The following FSTL5 variants were observed in gnomAD, a reference collection of about 807,000 sequenced individuals.
FSTL5 encodes the protein follistatin like 5.
FSTL5 carries 62 observed loss-of-function variants against 89.1 expected under a neutral mutation model. That is an observed-to-expected ratio of 0.70 (90% CI 0.57 to 0.86). The LOEUF is 0.86. Ranked by LOEUF, FSTL5 falls within the 40% of genes least tolerant of loss-of-function variation. The probability of loss-of-function intolerance (pLI) is 0.00; values close to 1 mark genes in which losing one functional copy is unlikely to be tolerated. For missense variants in FSTL5, 1,057 were observed against 1,001.6 expected (o/e 1.06, Z -0.75); for synonymous variants, 383 against 346.2 (o/e 1.11, Z -1.18).
intron 6 of FSTL5, among the ~76,000 whole-genome samples, chr4:161,714,684 G>A (rs1240744963): frequency 6.6e-6 from 1 of 152,068 alleles, no homozygotes; most frequent in Non-Finnish European, 1.5e-5. Flanking sequence ...CTAGAAAGAA[G>A]CAAACAGAAA....
chr4:161,707,887 C>A (rs1011182116), intron 6 of FSTL5, among the ~76,000 whole-genome samples: 12 of 151,584 alleles, frequency 7.9e-5, no homozygotes, highest in African/African-American at 2.9e-4. Flanking sequence ...ACAGACAAAC[C>A]AACCAAAAAA....
intron 4 of FSTL5, among the ~76,000 whole-genome samples, chr4:161,906,948 T>TA (rs1290197307): frequency 6.6e-6 from 1 of 152,130 alleles, no homozygotes; most frequent in Non-Finnish European, 1.5e-5. Context: ...CGGAGGTTGG[T>TA]ATGCATACTT....
rs535041828 is a variant in FSTL5 at position 162,006,341 on chromosome 4, A to G, written c.160+27284T>C. Among the ~76,000 whole-genome samples the G allele has an allele frequency of 7.2e-5, 11 of 152,138 alleles. No individual in the cohort carries two copies. In the South Asian group the frequency reaches 2.3e-3, roughly 31 times the overall value. On this transcript the variant is annotated intron_variant, in intron 3 of 15. Transcript: ENST00000306100. The stretch of plus-strand genomic sequence containing the variant: ...TCACTTGTGGATTCAAGAGAAAATG[A>G]GTAAAACTAGAGCTTTTAAAAATAA...
chr4:161,576,632 A>C (rs1217686713), intron 8 of FSTL5, among the ~76,000 whole-genome samples: 1 of 152,242 alleles, frequency 6.6e-6, no homozygotes, highest in Non-Finnish European at 1.5e-5. Flanking sequence ...AGAAAATAGA[A>C]ACTGGATCCC....
intron 15 of FSTL5, among the ~76,000 whole-genome samples, chr4:161,440,494 G>C (rs909509836): frequency 1.9e-4 from 29 of 152,048 alleles, no homozygotes; most frequent in African/African-American, 5.8e-4. Context: ...GCATTCAAAG[G>C]GTTAGACATG....
chr4:161,808,706 A>T (rs1730048499), intron 4 of FSTL5, among the ~76,000 whole-genome samples: 1 of 152,184 alleles, frequency 6.6e-6, no homozygotes, highest in Admixed American at 6.5e-5. Flanking sequence ...GAGTGAAAAC[A>T]TAATGTACAG....
chr4:161,706,322 A>G (rs1224926756), intron 6 of FSTL5, among the ~76,000 whole-genome samples: 1 of 151,826 alleles, frequency 6.6e-6, no homozygotes, highest in Non-Finnish European at 1.5e-5. Context: ...GGTAGGAAGG[A>G]GGGAAATGTC....
At chr4:161,840,350 T>G (rs1731173066) in intron 4 of FSTL5, among the ~76,000 whole-genome samples, 1 of 152,146 alleles carries the variant, frequency 6.6e-6, no homozygotes, top group African/African-American at 2.4e-5. Flanking sequence ...AACTCAGACT[T>G]GAGAAAAATT....
intron 6 of FSTL5, among the ~76,000 whole-genome samples, chr4:161,711,856 C>G (rs573620904): frequency 6.6e-6 from 1 of 152,100 alleles, no homozygotes; most frequent in South Asian, 2.1e-4. Flanking sequence ...TGTATCATAT[C>G]AATAGAACGA....
At chr4:161,642,313 T>A (rs1260542215) in intron 7 of FSTL5, among the ~76,000 whole-genome samples, 1 of 152,210 alleles carries the variant, frequency 6.6e-6, no homozygotes, top group Non-Finnish European at 1.5e-5. Flanking sequence ...CCAGAACTTA[T>A]CTTGCCTAAG....
chr4:161,553,949 T>A (rs1387060733), intron 8 of FSTL5, among the ~76,000 whole-genome samples: 1 of 151,560 alleles, frequency 6.6e-6, no homozygotes, highest in East Asian at 1.9e-4. Context: ...ATTTAGTTCA[T>A]CTGATGGTTC....
At chr4:161,573,225 C>T (rs1010427314) in intron 8 of FSTL5, among the ~76,000 whole-genome samples, 1 of 151,706 alleles carries the variant, frequency 6.6e-6, no homozygotes, top group Non-Finnish European at 1.5e-5. Flanking sequence ...GCCTGGTGAA[C>T]ATGGCAAAAA....
At chr4:161,822,423 T>A (rs567452938) in intron 4 of FSTL5, among the ~76,000 whole-genome samples, 1 of 152,178 alleles carries the variant, frequency 6.6e-6, no homozygotes, top group Non-Finnish European at 1.5e-5. Context: ...CTGGCCACTG[T>A]GCACAGCCAG....
rs1560948439 is a variant in FSTL5, at chr4:161,977,623, A to AT, written c.160+56001_160+56002insA. Among the ~76,000 whole-genome samples, 341 of 74,690 alleles carry AT rather than the reference A, an allele frequency of 4.6e-3. 2 individuals carry two copies. The highest frequency in any genetic ancestry group is 9.5e-3 in the South Asian group (21 of 2,208). The allele number at this position is 74,690 out of a possible 152,430, so 49.0% of individuals were successfully genotyped here. ...GCGAGACTCCGTGTCAAAAAAAAAA[A>AT]AAAAAAAAAAAAAAAAAATAATAAT... is the stretch of plus-strand genomic sequence containing the variant. On this transcript the variant is annotated intron_variant, in intron 3 of 15. Transcript: ENST00000306100.
At chr4:161,598,850 A>C (rs754119959) in intron 7 of FSTL5, among the ~76,000 whole-genome samples, 1 of 152,180 alleles carries the variant, frequency 6.6e-6, no homozygotes, top group Admixed American at 6.6e-5. Context: ...GAAACAGTAC[A>C]TATATGTAAA....
At chr4:161,447,023 C>T (rs751028304) in intron 15 of FSTL5, among the ~76,000 whole-genome samples, 1 of 152,000 alleles carries the variant, frequency 6.6e-6, no homozygotes, top group Non-Finnish European at 1.5e-5. Context: ...TAAGAGAATA[C>T]TGGATCCTGT....
rs920733430 is a variant in FSTL5 at position 161,967,120 on chromosome 4, C to T, written c.161-46468G>A. Among the ~76,000 whole-genome samples the T allele has an allele frequency of 7.3e-5, 11 of 150,734 alleles. No homozygotes were observed. The South Asian group carries it at 1.9e-3, about 26-fold the overall frequency. On this transcript the variant is annotated intron_variant, in intron 3 of 15. Transcript: ENST00000306100. ...GTTTCATAAAAATAAAATTTTACAA[C>T]GTTACTCAGATATCACAATTTGATA...
intron 3 of FSTL5, among the ~76,000 whole-genome samples, chr4:161,988,479 A>G (rs1406683705): frequency 6.6e-6 from 1 of 152,188 alleles, no homozygotes. Context: ...TACAAAGTAA[A>G]GATAGGAAAT....
chr4:161,875,942 TC>T (rs1486856243), intron 4 of FSTL5, among the ~76,000 whole-genome samples: 1 of 152,186 alleles, frequency 6.6e-6, no homozygotes, highest in African/African-American at 2.4e-5. Flanking sequence ...GACAATTGTT[TC>T]TCAACAACCA....
Sources: allele counts gnomAD v4.1 joint callset (sites outside exome capture counted in the v4.1 genomes callset), GRCh38; gene constraint gnomAD v4.1.1; transcripts MANE v1.5; gene names NCBI Gene and HGNC (gene_info 2026-07-23, HGNC 2026-07-21).